The following COL5A2 variants were observed in gnomAD, a reference collection of about 807,000 sequenced individuals.
COL5A2 encodes the protein collagen alpha-2(V) chain.
In COL5A2, 23 loss-of-function variants were observed where a neutral mutation model predicts 208.2. The observed-to-expected ratio is 0.11, with a 90% CI of 0.08 to 0.16. The LOEUF (loss-of-function observed/expected upper bound fraction) is 0.16. Among genes scored for constraint, COL5A2 ranks in the 10% least tolerant of loss-of-function variants. The pLI is 1.00. For missense variants in COL5A2, 1,590 were observed against 1,956.4 expected (o/e 0.81, Z 3.53); for synonymous variants, 625 against 628.5 (o/e 0.99, Z 0.08).
chr2:189,154,474 C>G (rs531899203), intron 1 of COL5A2, among the ~76,000 whole-genome samples: 8 of 152,288 alleles, frequency 5.3e-5, no homozygotes, highest in African/African-American at 1.9e-4. Context: ...ACAAAATGAC[C>G]TGGCGAATGG....
At chr2:189,217,742 G>A (rs1231929120) in intron 1 of COL5A2, among the ~76,000 whole-genome samples, 1 of 152,072 alleles carries the variant, frequency 6.6e-6, no homozygotes, top group Non-Finnish European at 1.5e-5. Flanking sequence ...AGACAGGCCT[G>A]GTATGTTTAG....
intron 22 of COL5A2, 78 bp from the exon 23 acceptor site, chr2:189,066,575 G>A (rs1279178822): frequency 1.0e-5 from 15 of 1,469,498 alleles, no homozygotes; most frequent in Non-Finnish European, 1.2e-5. Context: ...ATTTAACGAA[G>A]TCAGTCACAA....
chr2:189,381,597 C>G, the COL5A2 span, among the ~76,000 whole-genome samples: 5 of 151,822 alleles, frequency 3.3e-5, no homozygotes, highest in African/African-American at 1.2e-4. Flanking sequence ...AATAATTCTA[C>G]AACATTCTAC....
chr2:189,208,557 G>A (rs919626099), intron 1 of COL5A2, among the ~76,000 whole-genome samples: 1 of 152,328 alleles, frequency 6.6e-6, no homozygotes, highest in East Asian at 1.9e-4. Flanking sequence ...GTGCAGAAGG[G>A]ACTGGAAGTT....
At chr2:189,120,843 A>G (rs1395597410) in intron 1 of COL5A2, among the ~76,000 whole-genome samples, 4 of 152,224 alleles carry the variant, frequency 2.6e-5, no homozygotes, top group African/African-American at 9.6e-5. Context: ...TGGCATTAAG[A>G]ATGTGTTTAA....
At chr2:189,193,484 G>A (rs1395273176) in intron 1 of COL5A2, among the ~76,000 whole-genome samples, 6 of 152,244 alleles carry the variant, frequency 3.9e-5, no homozygotes, top group South Asian at 2.1e-4. Context: ...TTGATGGAAC[G>A]GTGATAATGC....
chr2:189,240,367 G>A, the COL5A2 span, among the ~76,000 whole-genome samples: 5 of 152,112 alleles, frequency 3.3e-5, no homozygotes, highest in Non-Finnish European at 5.9e-5. Context: ...GAACACTTGT[G>A]TCTTTTATAA....
intron 1 of COL5A2, among the ~76,000 whole-genome samples, chr2:189,133,530 T>C (rs1687767470): frequency 6.6e-6 from 1 of 152,164 alleles, no homozygotes. Flanking sequence ...TGCATTTACT[T>C]GGTTGATAGT....
At chr2:189,353,581 GCTTT>G in the COL5A2 span, among the ~76,000 whole-genome samples, 5 of 152,146 alleles carry the variant, frequency 3.3e-5, no homozygotes, top group African/African-American at 7.2e-5. Flanking sequence ...TCATGATTTG[GCTTT>G]CTGTTTGTCT....
At chr2:189,312,863 T>A in the COL5A2 span, among the ~76,000 whole-genome samples, 144 of 150,464 alleles carry the variant, frequency 9.6e-4, no homozygotes, top group Admixed American at 1.7e-3. Context: ...GTAGCTAGAC[T>A]GTTAAAGGAA....
intron 1 of COL5A2, among the ~76,000 whole-genome samples, chr2:189,147,845 G>A (rs1440572719): frequency 1.3e-5 from 2 of 152,112 alleles, no homozygotes; most frequent in Admixed American, 1.3e-4. Flanking sequence ...CAAGGGTAAG[G>A]AAGTAGGTGG....
At chr2:189,412,855 G>A in the COL5A2 span, among the ~76,000 whole-genome samples, 64 of 152,248 alleles carry the variant, frequency 4.2e-4, no homozygotes, top group African/African-American at 1.5e-3. Context: ...AATACGCAGC[G>A]ACTCAAGAAT....
At chr2:189,218,502 A>C (rs1263111989) in intron 1 of COL5A2, among the ~76,000 whole-genome samples, 1 of 152,186 alleles carries the variant, frequency 6.6e-6, no homozygotes. Context: ...TGGCCCTGCC[A>C]ACACCTTGAT....
chr2:189,200,380 G>T (rs1689054859), intron 1 of COL5A2, among the ~76,000 whole-genome samples: 1 of 151,936 alleles, frequency 6.6e-6, no homozygotes, highest in South Asian at 2.1e-4. Flanking sequence ...GTAGGAAGCT[G>T]CTAAGTGAAT....
At chr2:189,189,426 G>A (rs1688896119) in intron 1 of COL5A2, among the ~76,000 whole-genome samples, 1 of 152,182 alleles carries the variant, frequency 6.6e-6, no homozygotes, top group Non-Finnish European at 1.5e-5. Context: ...TGATGCCCCT[G>A]TAATTCCAGT....
chr2:189,421,481 A>G, the COL5A2 span, among the ~76,000 whole-genome samples: 3 of 151,952 alleles, frequency 2.0e-5, no homozygotes, highest in Non-Finnish European at 2.9e-5. Context: ...TACCTGCAGC[A>G]CCCCTTCCCC....
chr2:189,403,038 A>G, the COL5A2 span, among the ~76,000 whole-genome samples: 6 of 152,304 alleles, frequency 3.9e-5, no homozygotes, highest in East Asian at 7.7e-4. Context: ...CTTCCTATCC[A>G]TGAGCATGGA....
the COL5A2 span, among the ~76,000 whole-genome samples, chr2:189,399,222 CTTTG>C: frequency 2.0e-5 from 3 of 146,962 alleles, no homozygotes; most frequent in Admixed American, 1.4e-4. Flanking sequence ...TTCTTTCAGT[CTTTG>C]TTTATCTTAA....
At chr2:189,270,029 T>C in the COL5A2 span, among the ~76,000 whole-genome samples, 1 of 152,184 alleles carries the variant, frequency 6.6e-6, no homozygotes, top group East Asian at 1.9e-4. Context: ...CATAGAGGTG[T>C]TTATAGTATT....
Sources: allele counts gnomAD v4.1 joint callset (sites outside exome capture counted in the v4.1 genomes callset), GRCh38; gene constraint gnomAD v4.1.1; transcripts MANE v1.5; gene names NCBI Gene and HGNC (gene_info 2026-07-23, HGNC 2026-07-21).